The following DKC1 variants were observed in gnomAD, a reference collection of about 807,000 sequenced individuals.
The protein encoded by DKC1 is H/ACA ribonucleoprotein complex subunit DKC1.
In DKC1, 4 loss-of-function variants were observed where a neutral mutation model predicts 46.7. That is an observed-to-expected ratio of 0.09 (90% CI 0.04 to 0.20). The LOEUF is 0.20. Among genes scored for constraint, DKC1 ranks in the 10% least tolerant of loss-of-function variants. The pLI, the probability that DKC1 is intolerant of heterozygous loss-of-function variation, is 1.00. For missense variants in DKC1, 171 were observed against 404.2 expected (o/e 0.42, Z 4.95); for synonymous variants, 141 against 142.4 (o/e 0.99, Z 0.07).
intron 5 of DKC1, 116 bp from the exon 6 acceptor site, chrX:154,766,881 C>G (rs1217706987): frequency 3.0e-6 from 2 of 656,271 alleles, no homozygotes; most frequent in African/African-American, 4.3e-5. Flanking sequence ...TATAGAAACA[C>G]AAGGTCAAAC....
chrX:154,766,700 C>G (rs1440713356), intron 5 of DKC1: 2 of 430,221 alleles, frequency 4.6e-6, no homozygotes, highest in African/African-American at 2.5e-5. Flanking sequence ...CCTAAAGTAT[C>G]CTTCGTTCAT....
At chrX:154,776,755 G>A (rs782643059) in intron 14 of DKC1, 44 bp from the exon 15 acceptor site, 1 of 1,152,917 alleles carries the variant, frequency 8.7e-7, no homozygotes, top group South Asian at 1.8e-5. Context: ...TCATAGCTTT[G>A]TTAGTGGATG....
At chrX:154,770,467 T>TTAA (rs782272867) in intron 9 of DKC1, among the ~76,000 whole-genome samples, 1 of 67,767 alleles carries the variant, frequency 1.5e-5, no homozygotes, top group African/African-American at 5.8e-5. Flanking sequence ...GCCTGAAAAT[T>TTAA]AAAAAAAAAA....
At chrX:154,769,458 A>G in intron 9 of DKC1, 148 bp downstream of exon 9, 2 of 648,711 alleles carry the variant, frequency 3.1e-6, no homozygotes, top group East Asian at 3.6e-5. Context: ...AATGGTAGGC[A>G]TACTTAAAAA....
chrX:154,771,354 C>T (rs1557264953), intron 10 of DKC1, among the ~76,000 whole-genome samples: 1 of 108,946 alleles, frequency 9.2e-6, no homozygotes, highest in Non-Finnish European at 1.9e-5. Context: ...TGACACCTGG[C>T]TAATTTTTTG....
intron 6 of DKC1, 40 bp downstream of exon 6, chrX:154,767,101 TG>T (rs1223735281): frequency 1.3e-5 from 16 of 1,188,568 alleles, no homozygotes; most frequent in African/African-American, 1.8e-5. Context: ...TTTGTTGACT[TG>T]GATCTCTGAG....
rs1557265405 is a variant in DKC1, at chrX:154,774,604, A to G, written c.1158A>G (p.Ala386=). The G allele has an allele frequency of 8.3e-7, 1 of 1,210,394 alleles. No individual in the cohort carries two copies. Among genetic ancestry groups the G allele is most frequent in the South Asian group, 1.8e-5 (1 of 56,908 alleles). ...YPRKWGLGPK[A]SQKKLMIKQG... ...TTGACACCTTGATGTTCCACCAGGC[A>G]AGTCAGAAGAAGCTGATGATCAAGC... is the stretch of plus-strand genomic sequence containing the variant. The change falls in exon 12 of 15, where the codon GCA becomes GCG. Residue 386 remains alanine (A), a splice_region_variant and synonymous_variant. Transcript: ENST00000369550.
At chrX:154,775,377 C>T (rs782109044) in intron 13 of DKC1, 104 bp downstream of exon 13, 86 of 808,528 alleles carry the variant, frequency 1.1e-4, no homozygotes, top group African/African-American at 8.1e-4. Flanking sequence ...CAGCCATATA[C>T]GCTAGCATCA....
At chrX:154,772,700 T>G (rs2071839384) in intron 10 of DKC1, among the ~76,000 whole-genome samples, 1 of 112,182 alleles carries the variant, frequency 8.9e-6, no homozygotes, top group Admixed American at 9.5e-5. Context: ...AGCTATTCAT[T>G]TAATGGGTCT....
At position 154,762,971 on chromosome X, in the gene DKC1, G is replaced by A; in HGVS notation, c.6G>A (p.Ala2=). M[A]DAEVIILPKK... is the part of the protein sequence containing the mutation. ...CGCACGCGGTGCAGGGTAACATGGC[G>A]GATGCGGAAGGTAAGGGCTGCAGGC... The change falls in exon 1 of 15, where the codon GCG becomes GCA. Residue 2 remains alanine, a synonymous_variant. Coordinates refer to ENST00000369550, the MANE Select transcript of DKC1 (RefSeq NM_001363.5). 8.5e-7 allele frequency: 1 copy of A among 1,183,124 alleles called. No homozygotes were observed. The highest frequency in any genetic ancestry group is 1.1e-6 in the Non-Finnish European group (1 of 880,639).
intron 1 of DKC1, among the ~76,000 whole-genome samples, chrX:154,764,609 T>A (rs781812181): frequency 9.9e-5 from 11 of 111,078 alleles, no homozygotes; most frequent in Admixed American, 2.9e-4. Flanking sequence ...TCTTAAAAAA[T>A]TTTTTTTTGT....
intron 7 of DKC1, chrX:154,768,072 G>C (rs2071772887): frequency 5.1e-6 from 2 of 395,576 alleles, no homozygotes; most frequent in East Asian, 4.7e-5. Flanking sequence ...GGATGGTCTT[G>C]ATCTCCTGAC....
intron 10 of DKC1, among the ~76,000 whole-genome samples, chrX:154,772,477 T>C (rs191786086): frequency 4.4e-5 from 5 of 112,384 alleles, no homozygotes; most frequent in Non-Finnish European, 9.4e-5. Flanking sequence ...CCATACTGTT[T>C]TGGTTACTGT....
At chrX:154,768,212 T>G in intron 7 of DKC1, 90 bp from the exon 8 acceptor site, 6 of 1,076,730 alleles carry the variant, frequency 5.6e-6, no homozygotes, top group Non-Finnish European at 7.8e-6. Flanking sequence ...ACCTCTAGTC[T>G]TGGTGGCTCA....
intron 9 of DKC1, among the ~76,000 whole-genome samples, chrX:154,770,221 C>T (rs1307822901): frequency 3.6e-5 from 4 of 110,797 alleles, no homozygotes; most frequent in Non-Finnish European, 5.7e-5. Flanking sequence ...ATAATCCCAG[C>T]ACTTTGGGAG....
chrX:154,769,079 C>T, intron 8 of DKC1, 88 bp from the exon 9 acceptor site: 1 of 818,884 alleles, frequency 1.2e-6, no homozygotes, highest in South Asian at 2.0e-5. Flanking sequence ...GACTAGTAAA[C>T]AAGTGACATT....
Position 154,776,387 on chromosome X carries a change from C to G in DKC1, c.1476+63C>G, listed in dbSNP as rs868959915. 1.4e-4 allele frequency: 162 copies of G among 1,140,160 alleles called. No homozygotes were observed. In the Middle Eastern group the frequency reaches 6.7e-3, roughly 47 times the overall value. The allele number at this position is 1,140,160 out of a possible 1,213,427, so 94.0% of individuals were successfully genotyped here. ...AGTCCCTGCGTGGGGAAAGAATTAC[C>G]CAGGTGGTACCAGCTTTGTTACTCT... On this transcript the variant is annotated intron_variant, in intron 14 of 14. Transcript: ENST00000369550.
chrX:154,765,307 CT>C, intron 2 of DKC1, 136 bp from the exon 3 acceptor site: 1 of 590,911 alleles, frequency 1.7e-6, no homozygotes, highest in Non-Finnish European at 3.0e-6. Context: ...TCTTCTCTCT[CT>C]TTCCCTTGGA....
chrX:154,772,851 G>A (rs2071841182), intron 10 of DKC1, among the ~76,000 whole-genome samples: 1 of 111,892 alleles, frequency 8.9e-6, no homozygotes, highest in Non-Finnish European at 1.9e-5. Flanking sequence ...TGTGCATGCC[G>A]TTCTTATAGA....
Sources: gnomAD v4.1 joint callset for allele counts (sites outside exome capture counted in the v4.1 genomes callset) on GRCh38, gnomAD v4.1.1 for gene constraint, MANE v1.5 for transcripts, NCBI Gene and HGNC (gene_info 2026-07-23, HGNC 2026-07-21) for gene names.